PCDHGA5: variants seen among roughly 807,000 people sequenced by gnomAD.
The protein encoded by PCDHGA5 is protocadherin gamma subfamily A, 5.
Under a neutral mutation model 56.7 loss-of-function variants are expected in PCDHGA5, and 36 were observed. The observed-to-expected ratio is 0.64, with a 90% CI of 0.49 to 0.84. The LOEUF (loss-of-function observed/expected upper bound fraction) is 0.84. Among genes scored for constraint, PCDHGA5 ranks in the 40% least tolerant of loss-of-function variants. The probability of loss-of-function intolerance (pLI) is 0.00; values close to 1 mark genes in which losing one functional copy is unlikely to be tolerated. For missense variants in PCDHGA5, 1,305 were observed against 1,201.5 expected, an observed-to-expected ratio of 1.09 and a Z score of -1.27; for synonymous variants, 563 against 520.2, an observed-to-expected ratio of 1.08 and a Z score of -1.12.
chr5:141,399,055 G>C, intron 1 of PCDHGA5: 1 of 1,613,844 alleles, frequency 6.2e-7, no homozygotes, highest in Non-Finnish European at 8.5e-7. Context: ...AGAGACCAAG[G>C]AATATTCAAT....
At chr5:141,385,281 C>T (rs761366864) in intron 1 of PCDHGA5, 6 of 1,613,348 alleles carry the variant, frequency 3.7e-6, no homozygotes, top group East Asian at 2.2e-5. Flanking sequence ...TGCTAACATC[C>T]GTAGATTTTC....
At chr5:141,437,986 C>T (rs2097921856) in intron 1 of PCDHGA5, among the ~76,000 whole-genome samples, 1 of 152,096 alleles carries the variant, frequency 6.6e-6, no homozygotes, top group African/African-American at 2.4e-5. Context: ...TGCACCCACC[C>T]CACCTCAGCC....
At chr5:141,419,570 G>T in intron 1 of PCDHGA5, 1 of 1,611,766 alleles carries the variant, frequency 6.2e-7, no homozygotes. Context: ...GGGTCCCGAC[G>T]GCTCCGCGCT....
In PCDHGA5 at chr5:141,500,452, G is replaced by A. The variant is rs554196222; in HGVS notation, c.2481-4941G>A. 2.6e-3 allele frequency among the ~76,000 whole-genome samples: 398 copies of A among 151,620 alleles called. 2 individuals carry two copies. The highest frequency in any genetic ancestry group is 0.021 in the South Asian group (99 of 4,798). On this transcript the variant is annotated intron_variant, in intron 2 of 3. Transcript: ENST00000518069. ...TCTCGATCTCCTGACCTCGTGATCC[G>A]CCCGCCTCGGCCTCCCAAAGTGCTG... is the stretch of plus-strand genomic sequence containing the variant.
chr5:141,501,314 C>G, intron 2 of PCDHGA5, among the ~76,000 whole-genome samples: 1 of 151,728 alleles, frequency 6.6e-6, no homozygotes, highest in Non-Finnish European at 1.5e-5. Flanking sequence ...CACACACACA[C>G]ACACACACAC....
chr5:141,497,413 T>A (rs572922456), intron 2 of PCDHGA5, among the ~76,000 whole-genome samples: 1 of 151,928 alleles, frequency 6.6e-6, no homozygotes, highest in African/African-American at 2.4e-5. Context: ...TCCCATTCCA[T>A]CAAATGAGAG....
At chr5:141,414,100 G>A (rs1293589634) in intron 1 of PCDHGA5, 2 of 1,593,288 alleles carry the variant, frequency 1.3e-6, no homozygotes. Context: ...AAAAATATCA[G>A]AAAATCTAGA....
intron 1 of PCDHGA5, chr5:141,405,107 T>A: frequency 6.2e-7 from 1 of 1,613,998 alleles, no homozygotes; most frequent in African/African-American, 1.3e-5. Flanking sequence ...GCTGAGGCAC[T>A]GGCACTCCTC....
Position 141,477,741 on chromosome 5 carries a change from G to A in PCDHGA5, c.2422-17066G>A, listed in dbSNP as rs1438249932. On this transcript the variant is annotated intron_variant, in intron 1 of 3. Transcript: ENST00000518069. The surrounding 1 kb of genome is among the most constrained non-coding windows in gnomAD (Gnocchi z 4.9). ...GAATTAACAGCTCATATCAGCGATG[G>A]GGGCACCCCGGTCCTAGCCACCAAC... is the stretch of plus-strand genomic sequence containing the variant. 4 of 1,613,802 alleles carry A rather than the reference G, an allele frequency of 2.5e-6. No individual in the cohort carries two copies. The highest frequency in any genetic ancestry group is 1.7e-5 in the Admixed American group (1 of 60,026).
intron 1 of PCDHGA5, chr5:141,428,122 G>A: frequency 6.2e-7 from 1 of 1,606,172 alleles, no homozygotes; most frequent in Non-Finnish European, 8.5e-7. Context: ...ATCGAGCCCG[G>A]GCTTTTCAGC....
intron 2 of PCDHGA5, among the ~76,000 whole-genome samples, chr5:141,497,175 A>T (rs2154592067): frequency 6.7e-6 from 1 of 150,262 alleles, no homozygotes; most frequent in East Asian, 1.9e-4. Context: ...AAATCACAGT[A>T]AGTTCTGAGA....
At chr5:141,488,991 T>G in intron 1 of PCDHGA5, 1 of 414,332 alleles carries the variant, frequency 2.4e-6, no homozygotes, top group Non-Finnish European at 4.3e-6. Flanking sequence ...AGAGCTGAGG[T>G]GGGAGATCTG....
Position 141,437,685 on chromosome 5 carries a change from G to A in PCDHGA5, c.2422-57122G>A, listed in dbSNP as rs116699614. ...GAAGAGATGTTGATCAAACTGATGA[G>A]GCTAAATCTCAAGAAAGAGACACAG... On this transcript the variant is annotated intron_variant, in intron 1 of 3. Coordinates refer to ENST00000518069, the MANE Select transcript of PCDHGA5 (RefSeq NM_018918.3). Among the ~76,000 whole-genome samples the A allele has an allele frequency of 1.0e-2, 1,519 of 151,976 alleles. 34 individuals carry two copies. The highest frequency in any genetic ancestry group is 0.034 in the African/African-American group (1,425 of 41,440).
intron 1 of PCDHGA5, among the ~76,000 whole-genome samples, chr5:141,474,404 G>A (rs1014003488): frequency 4.6e-5 from 7 of 152,156 alleles, no homozygotes; most frequent in East Asian, 1.9e-4. Context: ...CAAGCTCCCC[G>A]GTGATGCCTA....
chr5:141,477,708 G>T lies in PCDHGA5; in HGVS notation c.2422-17099G>T. ...GTGCCCCTAGACTATGAGGATCGGC[G>T]GGAATTTGAATTAACAGCTCATATC... On this transcript the variant is annotated intron_variant, in intron 1 of 3. Transcript: ENST00000518069. The surrounding 1 kb of genome is among the most constrained non-coding windows in gnomAD (Gnocchi z 4.9). 2 of 1,613,930 alleles carry T rather than the reference G, an allele frequency of 1.2e-6. No individual in the cohort carries two copies. Among genetic ancestry groups the T allele is most frequent in the Non-Finnish European group, 1.7e-6 (2 of 1,180,030 alleles).
Position 141,505,383 on chromosome 5 carries a change from C to T in PCDHGA5, c.2481-10C>T, listed in dbSNP as rs369765886. On this transcript the variant is annotated splice_polypyrimidine_tract_variant and intron_variant, in intron 2 of 3. Coordinates refer to ENST00000518069, the MANE Select transcript of PCDHGA5 (RefSeq NM_018918.3). Reference sequence around the variant, plus strand: ...GGGAGTCTGTGCTCACCATCCTACTCTCTCCCCAGCTCCCAAAATGGCGAT... The same window carrying T: ...GGGAGTCTGTGCTCACCATCCTACTTTCTCCCCAGCTCCCAAAATGGCGAT... The T allele has an allele frequency of 1.2e-6, 2 of 1,613,944 alleles. No individual in the cohort carries two copies. Among genetic ancestry groups the T allele is most frequent in the African/African-American group, 2.7e-5 (2 of 74,914 alleles).
At chr5:141,448,887 G>T (rs1160586933) in intron 1 of PCDHGA5, among the ~76,000 whole-genome samples, 1 of 152,172 alleles carries the variant, frequency 6.6e-6, no homozygotes, top group East Asian at 1.9e-4. Flanking sequence ...GGAGCTTGCA[G>T]TGAGCCGAGA....
chr5:141,502,864 G>GGCTTTTTT (rs2099816401), intron 2 of PCDHGA5, among the ~76,000 whole-genome samples: 1 of 61,572 alleles, frequency 1.6e-5, no homozygotes, highest in Non-Finnish European at 3.0e-5. Flanking sequence ...CTGACTCTCT[G>GGCTTTTTT]TCTTTTTTTT....
At chr5:141,466,104 AGAGT>A (rs2154569127) in intron 1 of PCDHGA5, among the ~76,000 whole-genome samples, 1 of 152,144 alleles carries the variant, frequency 6.6e-6, no homozygotes, top group Admixed American at 6.5e-5. Flanking sequence ...CCTGGGCAAC[AGAGT>A]GAGACTCCAG....
Sources: allele counts gnomAD v4.1 joint callset (sites outside exome capture counted in the v4.1 genomes callset), GRCh38; gene constraint gnomAD v4.1.1; non-coding constraint Gnocchi (gnomAD v3.1); transcripts MANE v1.5; gene names NCBI Gene and HGNC (gene_info 2026-07-23, HGNC 2026-07-21).